ENTHD1: variants seen among roughly 807,000 people sequenced by gnomAD.
The protein encoded by ENTHD1 is ENTH domain containing 1.
Under a neutral mutation model 39.1 loss-of-function variants are expected in ENTHD1, and 23 were observed. That is an observed-to-expected ratio of 0.59 (90% confidence interval 0.42 to 0.83). The LOEUF (loss-of-function observed/expected upper bound fraction) is 0.83, where lower values mean the gene tolerates loss of function less well. Among genes scored for constraint, ENTHD1 ranks in the 40% least tolerant of loss-of-function variants. The pLI, the probability that ENTHD1 is intolerant of heterozygous loss-of-function variation, is 0.00. For synonymous variants in ENTHD1, 230 were observed against 258.2 expected (o/e 0.89, Z 1.05); for missense variants, 624 against 705.4 (o/e 0.88, Z 1.31).
chr22:39,817,470 A>G (rs2065742515), intron 5 of ENTHD1, among the ~76,000 whole-genome samples: 1 of 152,188 alleles, frequency 6.6e-6, no homozygotes, highest in African/African-American at 2.4e-5. Context: ...GCTTCAGGAA[A>G]ATGCAGAATA....
rs2146522343 is a variant in ENTHD1, at chr22:39,743,402, C to T, written c.*277G>A. The T allele has an allele frequency of 3.3e-6, 1 of 300,094 alleles. No individual in the cohort carries two copies. The highest frequency in any genetic ancestry group is 6.7e-5 in the South Asian group (1 of 14,904). The allele number at this position is 300,094 out of a possible 1,614,324, so 18.6% of individuals were successfully genotyped here. A position where few individuals can be genotyped will look rare whatever the true frequency, so the allele number is the denominator to read the frequency against. ...TACCACAATTTTCACTAATGCTTAA[C>T]CCATTTGAGGTACAGAGCATGAAAG... On this transcript the variant is annotated 3_prime_UTR_variant, in exon 7 of 7. Coordinates refer to ENST00000325157, the MANE Select transcript of ENTHD1 (RefSeq NM_152512.4).
In ENTHD1 at chr22:39,765,288, G is replaced by A. The variant is rs188801864; in HGVS notation, c.1154C>T (p.Ala385Val). 208 of 1,613,316 alleles carry A rather than the reference G, an allele frequency of 1.3e-4. No individual in the cohort carries two copies. Among genetic ancestry groups the A allele is most frequent in the Non-Finnish European group, 1.7e-4 (199 of 1,179,894 alleles). The change falls in exon 6 of 7, where the codon GCC becomes GTC. Residue 385 changes from alanine to valine, a missense_variant. Coordinates refer to ENST00000325157, the MANE Select transcript of ENTHD1 (RefSeq NM_152512.4). Reference protein sequence around the residue: ...DRVKEIVINKAYQKPAQSSIQ... With the variant: ...DRVKEIVINKVYQKPAQSSIQ... ...GCTGGATTGTGCTGGTTTCTGGTAG[G>A]CCTTGTTGATTACAATCTCCTTCAC...
intron 6 of ENTHD1, among the ~76,000 whole-genome samples, chr22:39,748,600 T>A (rs908997339): frequency 1.3e-5 from 2 of 151,764 alleles, no homozygotes; most frequent in East Asian, 1.9e-4. Flanking sequence ...TTTTTTTGTG[T>A]TTTTAGTAGA....
intron 5 of ENTHD1, among the ~76,000 whole-genome samples, chr22:39,809,307 C>T (rs1291999681): frequency 6.6e-6 from 1 of 152,176 alleles, no homozygotes; most frequent in African/African-American, 2.4e-5. Flanking sequence ...TCACACTACT[C>T]CTTCCTAAAT....
At chr22:39,773,689 T>C (rs1165205904) in intron 5 of ENTHD1, among the ~76,000 whole-genome samples, 2 of 152,194 alleles carry the variant, frequency 1.3e-5, no homozygotes, top group Non-Finnish European at 2.9e-5. Context: ...TGCTGTATCA[T>C]TCATTGCAAT....
At chr22:39,769,590 T>C (rs1238311594) in intron 5 of ENTHD1, among the ~76,000 whole-genome samples, 1 of 151,968 alleles carries the variant, frequency 6.6e-6, no homozygotes. Context: ...AGCTCCGGGG[T>C]GGAGAAGAAG....
At chr22:39,774,277 C>T (rs1330337495) in intron 5 of ENTHD1, among the ~76,000 whole-genome samples, 1 of 152,156 alleles carries the variant, frequency 6.6e-6, no homozygotes, top group East Asian at 1.9e-4. Context: ...TGACTTTCCT[C>T]TTCTGCCTTT....
Position 39,834,908 on chromosome 22 carries a change from G to A in ENTHD1, c.711+932C>T, listed in dbSNP as rs555084897. Among the ~76,000 whole-genome samples the A allele has an allele frequency of 5.3e-5, 8 of 152,194 alleles. No homozygotes were observed. In the East Asian group the frequency reaches 5.8e-4, roughly 11 times the overall value. ...TACTGTCTCATTCCATTTATATAAC[G>A]TTATAGACATGACAAACACTGCAGA... On this transcript the variant is annotated intron_variant, in intron 4 of 6. Transcript: ENST00000325157.
At chr22:39,869,425 A>G (rs767337205) in intron 2 of ENTHD1, among the ~76,000 whole-genome samples, 3 of 152,114 alleles carry the variant, frequency 2.0e-5, no homozygotes, top group Admixed American at 6.5e-5. Flanking sequence ...AACATTGGGT[A>G]CCCATAGACA....
At chr22:39,826,158 T>G (rs1251695849) in intron 4 of ENTHD1, among the ~76,000 whole-genome samples, 1 of 152,162 alleles carries the variant, frequency 6.6e-6, no homozygotes, top group Non-Finnish European at 1.5e-5. Flanking sequence ...GCTGGGATTA[T>G]GAGCATGCCT....
chr22:39,749,677 ATGTC>A (rs549128817), intron 6 of ENTHD1, among the ~76,000 whole-genome samples: 273 of 152,318 alleles, frequency 1.8e-3, no homozygotes, highest in African/African-American at 6.4e-3. Flanking sequence ...CTGATATACA[ATGTC>A]TGTCAAGTTA....
At chr22:39,806,221 C>T (rs2065639515) in intron 5 of ENTHD1, among the ~76,000 whole-genome samples, 1 of 152,246 alleles carries the variant, frequency 6.6e-6, no homozygotes, top group Non-Finnish European at 1.5e-5. Flanking sequence ...TGCCCACATG[C>T]ATTCCCTCAC....
At chr22:39,832,524 G>C (rs185623489) in intron 4 of ENTHD1, among the ~76,000 whole-genome samples, 1 of 152,260 alleles carries the variant, frequency 6.6e-6, no homozygotes, top group East Asian at 1.9e-4. Context: ...AAGTGTTCAA[G>C]GAGATGGAGG....
At chr22:39,745,433 C>T (rs2065095684) in intron 6 of ENTHD1, among the ~76,000 whole-genome samples, 1 of 152,128 alleles carries the variant, frequency 6.6e-6, no homozygotes, top group African/African-American at 2.4e-5. Context: ...TAAATTGGAC[C>T]TCCTGTAAAA....
At chr22:39,780,542 A>G (rs1203211393) in intron 5 of ENTHD1, among the ~76,000 whole-genome samples, 1 of 152,242 alleles carries the variant, frequency 6.6e-6, no homozygotes, top group Non-Finnish European at 1.5e-5. Context: ...ACTCCATGTA[A>G]CTGGAAACCA....
intron 5 of ENTHD1, among the ~76,000 whole-genome samples, chr22:39,809,594 T>C (rs776105204): frequency 8.5e-5 from 13 of 152,182 alleles, no homozygotes; most frequent in Non-Finnish European, 1.6e-4. Flanking sequence ...TCGGGATGGA[T>C]CTATTACATA....
intron 5 of ENTHD1, among the ~76,000 whole-genome samples, chr22:39,771,490 AAAAC>A (rs907669826): frequency 1.5e-4 from 23 of 152,330 alleles, no homozygotes; most frequent in Middle Eastern, 3.4e-3. Context: ...AAAACAAAAC[AAAAC>A]AAACAAACAA....
At chr22:39,791,925 CCT>C (rs2065507616) in intron 5 of ENTHD1, among the ~76,000 whole-genome samples, 1 of 151,940 alleles carries the variant, frequency 6.6e-6, no homozygotes, top group Admixed American at 6.6e-5. Flanking sequence ...GTCTATTCTT[CCT>C]CTCTTTCTGT....
chr22:39,768,140 T>A (rs2065292419), intron 5 of ENTHD1, among the ~76,000 whole-genome samples: 1 of 152,226 alleles, frequency 6.6e-6, no homozygotes, highest in Non-Finnish European at 1.5e-5. Flanking sequence ...TTCTCTTCCA[T>A]CAGCCTTCAT....
Sources: gnomAD v4.1 joint callset for allele counts (sites outside exome capture counted in the v4.1 genomes callset) on GRCh38, gnomAD v4.1.1 for gene constraint, MANE v1.5 for transcripts, NCBI Gene and HGNC (gene_info 2026-07-23, HGNC 2026-07-21) for gene names.